The following MSI1 variants were observed in gnomAD, a reference collection of about 807,000 sequenced individuals.
MSI1 encodes RNA-binding protein Musashi homolog 1.
Under a neutral mutation model 54.4 loss-of-function variants are expected in MSI1, and 15 were observed. The ratio of observed to expected loss-of-function variants is 0.28; its 90% CI spans 0.18 to 0.42. MSI1 has a LOEUF of 0.42. MSI1 is among the 20% of genes least tolerant of loss of function. The pLI is 1.00. For synonymous variants in MSI1, 200 were observed against 196.5 expected, an observed-to-expected ratio of 1.02 and a Z score of -0.15; for missense variants, 304 against 506.0, an observed-to-expected ratio of 0.60 and a Z score of 3.83.
chr12:120,357,036 C>T lies in MSI1; in HGVS notation c.535-17G>A, dbSNP rs199780425. The T allele has an allele frequency of 2.2e-4, 358 of 1,607,544 alleles. 1 individual carries two copies. The highest frequency in any genetic ancestry group is 1.5e-3 in the African/African-American group (112 of 74,930). On this transcript the variant is annotated splice_polypyrimidine_tract_variant and intron_variant, in intron 8 of 14. Coordinates refer to ENST00000257552, the MANE Select transcript of MSI1 (RefSeq NM_002442.4). ...ACATTCCACCTGCAATGAGACCTGG[C>T]GGTTAGTCTTTCCCACAGAGCTAGA...
intron 5 of MSI1, 126 bp from the exon 6 acceptor site, chr12:120,363,261 G>GC (rs34243955): frequency 0.015 from 8,555 of 552,906 alleles, 305 homozygotes; most frequent in African/African-American, 0.14. Flanking sequence ...CTCTTTAAAG[G>GC]CCCCCCCCCC....
chr12:120,366,269 G>A (rs1343200855), intron 4 of MSI1, among the ~76,000 whole-genome samples: 2 of 152,136 alleles, frequency 1.3e-5, no homozygotes, highest in Non-Finnish European at 2.9e-5. Context: ...CTCTCTGAAT[G>A]GCACAGACCA....
At chr12:120,358,574 C>T (rs145475334) in intron 7 of MSI1, among the ~76,000 whole-genome samples, 2 of 152,302 alleles carry the variant, frequency 1.3e-5, no homozygotes, top group South Asian at 2.1e-4. Context: ...GTGGCGCACA[C>T]GCACACGGTG....
chr12:120,346,345 G>A (rs1299388218), intron 12 of MSI1, 23 bp from the exon 13 acceptor site: 3 of 1,501,004 alleles, frequency 2.0e-6, no homozygotes, highest in Non-Finnish European at 2.7e-6. Flanking sequence ...AAAGAAGACG[G>A]TGATAGCCCT....
chr12:120,350,744 AC>A (rs1418862630), intron 11 of MSI1, among the ~76,000 whole-genome samples: 6 of 151,884 alleles, frequency 4.0e-5, no homozygotes, highest in Non-Finnish European at 8.8e-5. Context: ...TGTCACCTTC[AC>A]CCCACTTGTC....
In MSI1 at chr12:120,368,143, G is replaced by A; in HGVS notation, c.182+49C>T. The A allele has an allele frequency of 1.3e-6, 2 of 1,586,858 alleles. No homozygotes were observed. The highest frequency in any genetic ancestry group is 1.3e-5 in the African/African-American group (1 of 74,498). On this transcript the variant is annotated intron_variant, in intron 3 of 14. Coordinates refer to ENST00000257552, the MANE Select transcript of MSI1 (RefSeq NM_002442.4). The surrounding 1 kb of genome is among the most constrained non-coding windows in gnomAD (Gnocchi z 6.6). ...AGATGGTTACAAGGCAGTGAGTGGC[G>A]GGTGGAGGGGGGCGAGCCGGGAGCA... is the stretch of plus-strand genomic sequence containing the variant.
intron 12 of MSI1, among the ~76,000 whole-genome samples, chr12:120,346,922 C>T (rs1165875305): frequency 6.6e-6 from 1 of 152,068 alleles, no homozygotes; most frequent in African/African-American, 2.4e-5. Flanking sequence ...GCTGCAAGCC[C>T]TGGAAGGCAG....
At chr12:120,349,837 T>C (rs1420707955) in intron 11 of MSI1, among the ~76,000 whole-genome samples, 1 of 152,258 alleles carries the variant, frequency 6.6e-6, no homozygotes, top group African/African-American at 2.4e-5. Flanking sequence ...CTGAGGTCTG[T>C]TGTTTGGCTC....
intron 5 of MSI1, 90 bp from the exon 6 acceptor site, chr12:120,363,225 G>T: frequency 9.3e-7 from 1 of 1,079,096 alleles, no homozygotes; most frequent in Non-Finnish European, 1.4e-6. Flanking sequence ...CAGGATGCCA[G>T]CTGACAAGCT....
chr12:120,349,895 T>A (rs79198687), intron 11 of MSI1, among the ~76,000 whole-genome samples: 1 of 152,222 alleles, frequency 6.6e-6, no homozygotes, highest in Non-Finnish European at 1.5e-5. Context: ...AGCATGTGCT[T>A]ACCACACTGT....
At chr12:120,348,265 G>A (rs113798549) in intron 11 of MSI1, among the ~76,000 whole-genome samples, 2,036 of 152,268 alleles carry the variant, frequency 0.013, 31 homozygotes, top group African/African-American at 0.041. Context: ...CCTTGTACAC[G>A]GCAGGTGCTT....
intron 14 of MSI1, among the ~76,000 whole-genome samples, chr12:120,344,348 G>C (rs914612860): frequency 8.5e-5 from 13 of 152,218 alleles, no homozygotes; most frequent in African/African-American, 3.1e-4. Context: ...GGGAACCCCT[G>C]AGCCACTGTA....
intron 9 of MSI1, among the ~76,000 whole-genome samples, chr12:120,354,557 G>C (rs1874913475): frequency 6.6e-6 from 1 of 151,924 alleles, no homozygotes; most frequent in African/African-American, 2.4e-5. Flanking sequence ...TAAGCCTCCC[G>C]AGGAGCTGGG....
chr12:120,366,012 G>A (rs1875994797), intron 4 of MSI1, among the ~76,000 whole-genome samples: 1 of 152,150 alleles, frequency 6.6e-6, no homozygotes, highest in Non-Finnish European at 1.5e-5. Context: ...CAACCAGAGG[G>A]AAAAATCAAG....
At chr12:120,351,638 G>A (rs527287793) in intron 10 of MSI1, among the ~76,000 whole-genome samples, 2 of 152,110 alleles carry the variant, frequency 1.3e-5, no homozygotes, top group South Asian at 4.2e-4. Flanking sequence ...GCACGGGGCA[G>A]GGCTGGAGCT....
intron 1 of MSI1, 29 bp downstream of exon 1, chr12:120,369,004 C>A (rs1876219263): frequency 9.2e-7 from 1 of 1,083,110 alleles, no homozygotes; most frequent in East Asian, 6.6e-5. Context: ...GGGGCGGGCG[C>A]GGGCCAAGCA....
At chr12:120,340,886 CTTTTTT>C (rs34926125), downstream of MSI1, among the ~76,000 whole-genome samples, 4 of 119,456 alleles carry the variant, frequency 3.3e-5, no homozygotes, top group East Asian at 2.4e-4. Context: ...TTCTCCTATT[CTTTTTT>C]TTTTTTTTTT....
At chr12:120,349,095 A>G (rs1592927605) in intron 11 of MSI1, among the ~76,000 whole-genome samples, 1 of 128,296 alleles carries the variant, frequency 7.8e-6, no homozygotes, top group African/African-American at 2.9e-5. Flanking sequence ...GTTTTACTTG[A>G]TTTTTTTTTT....
chr12:120,368,650 C>A lies in MSI1; in HGVS notation c.100+183G>T, dbSNP rs1217269917. 6.6e-6 allele frequency among the ~76,000 whole-genome samples: 1 copy of A among 151,866 alleles called. No homozygotes were observed. The highest frequency in any genetic ancestry group is 1.5e-5 in the Non-Finnish European group (1 of 67,904). ...AACCCCTCATCTGCTCCCCTCCACC[C>A]GCTGGGCCGGGTGCGCTCGCGGATC... On this transcript the variant is annotated intron_variant, in intron 2 of 14. Coordinates refer to ENST00000257552, the MANE Select transcript of MSI1 (RefSeq NM_002442.4). This position sits in a 1 kb window ranked among gnomAD's most constrained non-coding sequence, Gnocchi z 6.6.
Sources: gnomAD v4.1 joint callset for allele counts (sites outside exome capture counted in the v4.1 genomes callset) on GRCh38, gnomAD v4.1.1 for gene constraint, Gnocchi (gnomAD v3.1) non-coding constraint, MANE v1.5 for transcripts, NCBI Gene and HGNC (gene_info 2026-07-23, HGNC 2026-07-21) for gene names.